SEMA3A: variants seen among roughly 807,000 people sequenced by gnomAD.
The protein encoded by SEMA3A is semaphorin-3A.
Under a neutral mutation model 97.9 loss-of-function variants are expected in SEMA3A, and 29 were observed. The observed-to-expected ratio is 0.30, with a 90% confidence interval of 0.22 to 0.40. SEMA3A has a LOEUF of 0.40. Among genes scored for constraint, SEMA3A ranks in the 10% least tolerant of loss-of-function variants. The probability of loss-of-function intolerance (pLI) is 1.00; values close to 1 mark genes in which losing one functional copy is unlikely to be tolerated. For synonymous variants in SEMA3A, 321 were observed against 323.7 expected (o/e 0.99, Z 0.09); for missense variants, 763 against 951.3 (o/e 0.80, Z 2.60).
intron 2 of SEMA3A, among the ~76,000 whole-genome samples, chr7:84,314,005 T>C (rs1052347592): frequency 2.6e-5 from 4 of 152,100 alleles, no homozygotes; most frequent in Non-Finnish European, 5.9e-5. Flanking sequence ...ACTGTGCTCA[T>C]TGAATGAGTT....
intron 3 of SEMA3A, among the ~76,000 whole-genome samples, chr7:84,228,117 C>G (rs1244778868): frequency 4.0e-5 from 6 of 151,778 alleles, no homozygotes; most frequent in Non-Finnish European, 1.5e-5. Context: ...CATAGATGTA[C>G]TCTAAAAATG....
chr7:84,043,044 C>G (rs182016068), intron 6 of SEMA3A, among the ~76,000 whole-genome samples: 2 of 151,644 alleles, frequency 1.3e-5, no homozygotes, highest in African/African-American at 4.8e-5. Flanking sequence ...TTATGTAGTA[C>G]AAGAAAAAAA....
intron 1 of SEMA3A, among the ~76,000 whole-genome samples, chr7:84,490,963 A>G (rs960184657): frequency 5.9e-5 from 9 of 152,196 alleles, no homozygotes; most frequent in African/African-American, 2.2e-4. Flanking sequence ...ATTGTCGGTT[A>G]AAGTATTTCA....
chr7:84,408,845 G>A (rs924179646), intron 1 of SEMA3A, among the ~76,000 whole-genome samples: 1 of 151,800 alleles, frequency 6.6e-6, no homozygotes, highest in African/African-American at 2.4e-5. Flanking sequence ...ATTGAACAAT[G>A]AGAATACATG....
chr7:84,268,118 G>A (rs1584186676), intron 3 of SEMA3A, among the ~76,000 whole-genome samples: 1 of 152,036 alleles, frequency 6.6e-6, no homozygotes, highest in Non-Finnish European at 1.5e-5. Flanking sequence ...CACCCAATTT[G>A]CTTCTGGTGG....
At chr7:84,292,741 A>C (rs1202628116) in intron 3 of SEMA3A, among the ~76,000 whole-genome samples, 1 of 152,118 alleles carries the variant, frequency 6.6e-6, no homozygotes, top group Non-Finnish European at 1.5e-5. Context: ...AGAATGTGTA[A>C]AGAAAGAATG....
chr7:84,286,801 T>C (rs992358626), intron 3 of SEMA3A, among the ~76,000 whole-genome samples: 2 of 152,106 alleles, frequency 1.3e-5, no homozygotes, highest in African/African-American at 4.8e-5. Context: ...TAGCGAGGTT[T>C]TGATGTTTCA....
At chr7:84,111,017 A>G (rs1303486217) in intron 3 of SEMA3A, among the ~76,000 whole-genome samples, 1 of 152,144 alleles carries the variant, frequency 6.6e-6, no homozygotes, top group Non-Finnish European at 1.5e-5. Context: ...GTTCCATTTT[A>G]GGAAAAGAAA....
chr7:84,195,323 G>A (rs1262791348), upstream of SEMA3A: 3 of 151,852 alleles, frequency 2.0e-5, no homozygotes, highest in African/African-American at 7.3e-5. Context: ...GCCATTTTTG[G>A]GTGCAATTTT....
At chr7:84,104,305 T>G (rs1795042928) in intron 4 of SEMA3A, among the ~76,000 whole-genome samples, 1 of 152,100 alleles carries the variant, frequency 6.6e-6, no homozygotes, top group South Asian at 2.1e-4. Context: ...CTGTTTAAAT[T>G]TGTCCAAATA....
In SEMA3A at chr7:84,204,966, C is replaced by T. The variant is rs936976396; in HGVS notation, c.-82-10298G>A. Among the ~76,000 whole-genome samples the T allele has an allele frequency of 1.4e-4, 21 of 152,244 alleles. 1 individual carries two copies. Among genetic ancestry groups the T allele is most frequent in the Admixed American group, 1.3e-3 (20 of 15,292 alleles). On this transcript the variant is annotated intron_variant, in intron 3 of 3. Coordinates refer to the SEMA3A transcript ENST00000424555. ...CTTTTGTGGCTTGCACAGAAAGAAT[C>T]GTATCTTTTATGGTAAATCAAGCCT...
chr7:84,388,841 C>T (rs1803467896), intron 1 of SEMA3A, among the ~76,000 whole-genome samples: 1 of 151,980 alleles, frequency 6.6e-6, no homozygotes, highest in South Asian at 2.1e-4. Context: ...TCCTGATTTC[C>T]TTAGCTGTTC....
chr7:84,415,143 G>A (rs1043676327), intron 1 of SEMA3A, among the ~76,000 whole-genome samples: 8 of 152,050 alleles, frequency 5.3e-5, no homozygotes, highest in African/African-American at 1.7e-4. Flanking sequence ...AACTGTAGCT[G>A]TAGAGTTGTT....
intron 12 of SEMA3A, among the ~76,000 whole-genome samples, chr7:83,996,545 C>T (rs1627397): frequency 0.76 from 114,742 of 151,970 alleles, 43,505 homozygotes; most frequent in East Asian, 0.89. Context: ...TCGTGATCCA[C>T]CTACCTGGGC....
rs569923498 is a variant in SEMA3A, at chr7:84,442,411, T to C, written c.-246+50049A>G. ...GGTGTAAATTCAAATTGAAGTGCTA[T>C]AATTTTATAAGATTAAAGATGATTC... On this transcript the variant is annotated intron_variant, in intron 1 of 3. Coordinates refer to the SEMA3A transcript ENST00000424555. 3.3e-5 allele frequency among the ~76,000 whole-genome samples: 5 copies of C among 152,198 alleles called. No individual in the cohort carries two copies. The South Asian group carries it at 6.2e-4, about 19-fold the overall frequency.
intron 3 of SEMA3A, among the ~76,000 whole-genome samples, chr7:84,247,546 C>T (rs2115592951): frequency 6.6e-6 from 1 of 152,002 alleles, no homozygotes; most frequent in East Asian, 1.9e-4. Flanking sequence ...AAGGGTTAAG[C>T]CAATAAAGAG....
intron 12 of SEMA3A, among the ~76,000 whole-genome samples, chr7:83,988,372 G>A (rs1284985772): frequency 6.6e-6 from 1 of 151,832 alleles, no homozygotes; most frequent in Non-Finnish European, 1.5e-5. Flanking sequence ...GACTACAGGC[G>A]CCCACCACCA....
chr7:83,993,655 C>G (rs1035601979), intron 12 of SEMA3A, among the ~76,000 whole-genome samples: 1 of 127,902 alleles, frequency 7.8e-6, no homozygotes, highest in Non-Finnish European at 1.6e-5. Flanking sequence ...CCACTCTCTT[C>G]TGGCTTGTAG....
rs1038626909 is a variant in SEMA3A, at chr7:84,099,042, A to C, written c.453+11428T>G. ...AAGATAAATTGGATAGAATAACCAG[A>C]GATTAATCAGGAATTACATTTTCTT... On this transcript the variant is annotated intron_variant, in intron 4 of 16. Transcript: ENST00000265362. 6.6e-5 allele frequency among the ~76,000 whole-genome samples: 10 copies of C among 151,786 alleles called. 3 individuals are homozygous for C.
Sources: gnomAD v4.1 joint callset for allele counts (sites outside exome capture counted in the v4.1 genomes callset) on GRCh38, gnomAD v4.1.1 for gene constraint, MANE v1.5 for transcripts, NCBI Gene and HGNC (gene_info 2026-07-23, HGNC 2026-07-21) for gene names.